SLC13A5: variants seen among roughly 807,000 people sequenced by gnomAD.
SLC13A5 encodes solute carrier family 13 member 5, also known as Na(+)/citrate cotransporter.
A neutral mutation model predicts 56.5 loss-of-function variants in SLC13A5; 25 were observed. The observed-to-expected ratio is 0.44, with a 90% confidence interval of 0.32 to 0.62. The LOEUF (loss-of-function observed/expected upper bound fraction) is 0.62. Among genes scored for constraint, SLC13A5 ranks in the 20% least tolerant of loss-of-function variants. The probability of loss-of-function intolerance (pLI) is 0.04; values close to 1 mark genes in which losing one functional copy is unlikely to be tolerated. For synonymous variants in SLC13A5, 307 were observed against 301.5 expected (o/e 1.02, Z -0.19); for missense variants, 649 against 737.8 (o/e 0.88, Z 1.39).
chr17:6,704,803 C>T (rs1035291160), intron 3 of SLC13A5: 27 of 156,728 alleles, frequency 1.7e-4, no homozygotes, highest in African/African-American at 4.2e-4. Flanking sequence ...TCTGGGACCA[C>T]GCTCTCAGTG....
chr17:6,708,066 G>A (rs901936932), intron 1 of SLC13A5, among the ~76,000 whole-genome samples: 9 of 152,154 alleles, frequency 5.9e-5, no homozygotes, highest in Admixed American at 3.3e-4. Flanking sequence ...TCCACCTCCC[G>A]GGTTCAAGCG....
intron 1 of SLC13A5, among the ~76,000 whole-genome samples, chr17:6,709,786 C>T (rs532802028): frequency 3.2e-3 from 483 of 152,276 alleles, no homozygotes; most frequent in Non-Finnish European, 5.2e-3. Flanking sequence ...CAGCATCCCA[C>T]GAGCAAACCA....
rs745564000 is a variant in SLC13A5, at chr17:6,690,779, C to T, written c.1437G>A (p.Met479Ile). 3.1e-6 allele frequency: 5 copies of T among 1,614,060 alleles called. No individual in the cohort carries two copies. In the Admixed American group the frequency reaches 8.3e-5, roughly 27 times the overall value. Residue 479 changes from methionine (M) to isoleucine (I), a missense_variant and splice_region_variant, in exon 10 of 12, where the codon ATG becomes ATA. Physicochemically the swap from Met to Ile is conservative, Grantham distance 10 (BLOSUM62 1). Coordinates refer to ENST00000433363, the MANE Select transcript of SLC13A5 (RefSeq NM_177550.5). ...TCCTCCCCACTGTCAGGTTACTTAC[C>T]ATGGAGGCAAAGATGGGCAGGAACA... Reference protein sequence around the residue: ...TTLFLPIFASMSRSIGLNPLY... With the variant: ...TTLFLPIFASISRSIGLNPLY...
At chr17:6,702,658 C>T (rs1426852465) in intron 5 of SLC13A5, among the ~76,000 whole-genome samples, 1 of 152,254 alleles carries the variant, frequency 6.6e-6, no homozygotes, top group African/African-American at 2.4e-5. Context: ...TCAATCCACA[C>T]TCCCTCTCTG....
At chr17:6,706,894 T>A in intron 2 of SLC13A5, 116 bp from the exon 3 acceptor site, 1 of 1,552,936 alleles carries the variant, frequency 6.4e-7, no homozygotes, top group Non-Finnish European at 8.7e-7. Context: ...GCTCGAGTGG[T>A]GTCTCCCTGC....
chr17:6,694,480 T>A (rs1428891520), intron 7 of SLC13A5, among the ~76,000 whole-genome samples: 2 of 152,088 alleles, frequency 1.3e-5, no homozygotes, highest in African/African-American at 4.8e-5. Flanking sequence ...TAGCCAGACA[T>A]GCTGGCGGGC....
Position 6,698,691 on chromosome 17 carries a change from GAAT to G in SLC13A5, c.839+2310_839+2312del, listed in dbSNP as rs1242852231. Among the ~76,000 whole-genome samples the G allele has an allele frequency of 3.3e-5, 5 of 152,120 alleles. No individual in the cohort carries two copies. The South Asian group carries it at 8.3e-4, about 25-fold the overall frequency. ...CTCAGTTGCCTTGTCTGTAAATTGGGAATAATAATAATAGTGCTGACCTCGCAG... is the reference window on the plus strand; with the variant it reads ...CTCAGTTGCCTTGTCTGTAAATTGGGAATAATAATAGTGCTGACCTCGCAG... On this transcript the variant is annotated intron_variant, in intron 6 of 11. Coordinates refer to ENST00000433363, the MANE Select transcript of SLC13A5 (RefSeq NM_177550.5).
chr17:6,688,077 A>C, intron 10 of SLC13A5: 1 of 155,716 alleles, frequency 6.4e-6, no homozygotes. Flanking sequence ...GTTTTTATAC[A>C]TGCGTGGGGT....
chr17:6,708,580 T>C (rs1973932923), intron 1 of SLC13A5, among the ~76,000 whole-genome samples: 1 of 152,200 alleles, frequency 6.6e-6, no homozygotes, highest in Non-Finnish European at 1.5e-5. Flanking sequence ...ATCACGGAGA[T>C]CTTAAATAAA....
rs1223917376 is a variant in SLC13A5, at chr17:6,690,793, T to C, written c.1423A>G (p.Ile475Val). Reference sequence around the variant, plus strand: ...AGGTTACTTACCATGGAGGCAAAGATGGGCAGGAACAAGGTGGTGGTGGCC... The same window carrying C: ...AGGTTACTTACCATGGAGGCAAAGACGGGCAGGAACAAGGTGGTGGTGGCC... ...NVATTTLFLP[I>V]FASMSRSIGL... Residue 475 changes from isoleucine to valine, a missense_variant, in exon 10 of 12, where the codon ATC (isoleucine) becomes GTC (valine). Transcript: ENST00000433363. 1.5e-5 allele frequency: 24 copies of C among 1,614,156 alleles called. No individual in the cohort carries two copies. The highest frequency in any genetic ancestry group is 1.9e-5 in the Non-Finnish European group (22 of 1,180,020).
At position 6,713,252 on chromosome 17, in the gene SLC13A5, C is replaced by T. The variant is rs780485815; in HGVS notation, c.82G>A (p.Val28Ile). ...FVTPLLLLPL[V>I]ILMPAKFVRC... The stretch of plus-strand genomic sequence containing the variant: ...CTGACCTTGGCGGGCATCAGAATGA[C>T]GAGTGGCAGCAGCAGGAGCGGGGTG... The change falls in exon 1 of 12, where the codon GTC becomes ATC. Residue 28 changes from valine to isoleucine, a missense_variant. By Grantham distance (29) the Val-to-Ile change is conservative. Transcript: ENST00000433363. This position sits in a 1 kb window ranked among gnomAD's most constrained non-coding sequence, Gnocchi z 7.3. 1.2e-6 allele frequency: 2 copies of T among 1,613,998 alleles called. No individual in the cohort carries two copies. Among genetic ancestry groups the T allele is most frequent in the South Asian group, 1.1e-5 (1 of 91,090 alleles).
At chr17:6,694,437 TG>T (rs1294948534) in intron 7 of SLC13A5, among the ~76,000 whole-genome samples, 1 of 151,966 alleles carries the variant, frequency 6.6e-6, no homozygotes, top group Non-Finnish European at 1.5e-5. Context: ...GCCAACATAG[TG>T]AAACCCCGTC....
intron 3 of SLC13A5, 93 bp downstream of exon 3, chr17:6,706,546 TCAC>T (rs930849865): frequency 1.3e-6 from 2 of 1,508,610 alleles, no homozygotes; most frequent in African/African-American, 2.8e-5. Flanking sequence ...TGGCCAGCCC[TCAC>T]CAGTGGATGG....
At chr17:6,708,993 CTTTT>C (rs575087645) in intron 1 of SLC13A5, among the ~76,000 whole-genome samples, 1 of 133,030 alleles carries the variant, frequency 7.5e-6, no homozygotes, top group Non-Finnish European at 1.6e-5. Flanking sequence ...TCTTTTATTT[CTTTT>C]TTTTTTTTTT....
At chr17:6,689,674 G>GAACACTTTCACCTCCTTGCTATTTTT (rs1190033290) in intron 10 of SLC13A5, 7 of 152,096 alleles carry the variant, frequency 4.6e-5, no homozygotes, top group Non-Finnish European at 8.8e-5. Flanking sequence ...TTGCTATTTT[G>GAACACTTTCACCTCCTTGCTATTTTT]AACACTTTCA....
At position 6,713,255 on chromosome 17, in the gene SLC13A5, G is replaced by A. The variant is rs1974088227; in HGVS notation, c.79C>T (p.Leu27Phe). The A allele has an allele frequency of 1.9e-6, 3 of 1,613,910 alleles. No individual in the cohort carries two copies. The highest frequency in any genetic ancestry group is 2.5e-6 in the Non-Finnish European group (3 of 1,179,952). The change falls in exon 1 of 12, where the codon CTC becomes TTC. Residue 27 changes from leucine to phenylalanine, a missense_variant. Coordinates refer to ENST00000433363, the MANE Select transcript of SLC13A5 (RefSeq NM_177550.5). This position sits in a 1 kb window ranked among gnomAD's most constrained non-coding sequence, Gnocchi z 7.3. ...ACCTTGGCGGGCATCAGAATGACGA[G>A]TGGCAGCAGCAGGAGCGGGGTGACG... is the stretch of plus-strand genomic sequence containing the variant. Reference protein sequence around the residue: ...LFVTPLLLLPLVILMPAKFVR... With the variant: ...LFVTPLLLLPFVILMPAKFVR...
At chr17:6,703,832 G>C (rs1324348396) in intron 4 of SLC13A5, 46 bp downstream of exon 4, 3 of 1,489,812 alleles carry the variant, frequency 2.0e-6, no homozygotes, top group Non-Finnish European at 2.7e-6. Context: ...CAGAGGGAGG[G>C]GAAGGCTGCT....
At chr17:6,691,859 A>C (rs1430879127) in intron 9 of SLC13A5, among the ~76,000 whole-genome samples, 1 of 152,088 alleles carries the variant, frequency 6.6e-6, no homozygotes, top group Non-Finnish European at 1.5e-5. Context: ...ATTCACGATC[A>C]AGTCCACACC....
chr17:6,707,199 T>A lies in SLC13A5; in HGVS notation c.103-43A>T, dbSNP rs747086215. ...AGGCCTCAGCGTGTTGCCGCCTCCC[T>A]CTCCCCACCCCCAGAACACTCCGGA... On this transcript the variant is annotated intron_variant, in intron 1 of 11. Coordinates refer to ENST00000433363, the MANE Select transcript of SLC13A5 (RefSeq NM_177550.5). 10 of 1,608,068 alleles carry A rather than the reference T, an allele frequency of 6.2e-6. 1 individual carries two copies. The South Asian group carries it at 1.0e-4, about 16-fold the overall frequency.
Sources: allele counts gnomAD v4.1 joint callset (sites outside exome capture counted in the v4.1 genomes callset), GRCh38; gene constraint gnomAD v4.1.1; non-coding constraint Gnocchi (gnomAD v3.1); transcripts MANE v1.5; gene names NCBI Gene and HGNC (gene_info 2026-07-23, HGNC 2026-07-21).